LRSAM1: variants seen among roughly 807,000 people sequenced by gnomAD.
LRSAM1 encodes leucine rich repeat and sterile alpha motif containing 1.
A neutral mutation model predicts 118.1 loss-of-function variants in LRSAM1; 96 were observed. The observed-to-expected ratio is 0.81, with a 90% confidence interval of 0.69 to 0.96. The LOEUF (loss-of-function observed/expected upper bound fraction) is 0.96, where lower values mean the gene tolerates loss of function less well. Ranked by LOEUF, LRSAM1 falls within the 40% of genes least tolerant of loss-of-function variation. The pLI is 0.00. For synonymous variants in LRSAM1, 322 were observed against 364.2 expected, an observed-to-expected ratio of 0.88 and a Z score of 1.32; for missense variants, 804 against 915.5, an observed-to-expected ratio of 0.88 and a Z score of 1.57.
chr9:127,475,257 G>A (rs138174053), intron 11 of LRSAM1, among the ~76,000 whole-genome samples: 384 of 152,178 alleles, frequency 2.5e-3, no homozygotes, highest in African/African-American at 8.5e-3. Context: ...TTGGGAGGCC[G>A]AGGCTGGTGG....
intron 18 of LRSAM1, among the ~76,000 whole-genome samples, chr9:127,489,103 GC>G (rs1835834427): frequency 6.6e-6 from 1 of 152,182 alleles, no homozygotes; most frequent in East Asian, 1.9e-4. Context: ...GTTAAGTGGG[GC>G]TCGGGAGCTG....
In LRSAM1 at chr9:127,473,771, C is replaced by T; in HGVS notation, c.620-30C>T. The T allele has an allele frequency of 1.9e-6, 3 of 1,614,042 alleles. No individual in the cohort carries two copies. In the South Asian group the frequency reaches 3.3e-5, roughly 18 times the overall value. On this transcript the variant is annotated intron_variant, in intron 10 of 25. Transcript: ENST00000300417. ...TGGGTACCTCAGCTGTCTCCTCCCT[C>T]CTGGTCAGCTTGTGTCCCGTCTCTT...
chr9:127,500,206 C>G (rs1347360189), intron 24 of LRSAM1, among the ~76,000 whole-genome samples: 1 of 151,568 alleles, frequency 6.6e-6, no homozygotes, highest in East Asian at 2.0e-4. Flanking sequence ...ACTAAAGATA[C>G]AAAAATTAGC....
intron 11 of LRSAM1, among the ~76,000 whole-genome samples, chr9:127,474,503 G>GT (rs1435826418): frequency 1.3e-5 from 2 of 152,142 alleles, no homozygotes; most frequent in Non-Finnish European, 1.5e-5. Context: ...CCTGTTGTGT[G>GT]TTCTCAGAGT....
chr9:127,495,812 T>TATC lies in LRSAM1; in HGVS notation c.1699-151_1699-149dup, dbSNP rs1836113057. 46 of 1,161,480 alleles carry TATC rather than the reference T, an allele frequency of 4.0e-5. No homozygotes were observed. The South Asian group carries it at 6.1e-4, about 15-fold the overall frequency. The allele number at this position is 1,161,480 out of a possible 1,614,324, so 71.9% of individuals were successfully genotyped here. A position where few individuals can be genotyped will look rare whatever the true frequency, so the allele number is the denominator to read the frequency against. On this transcript the variant is annotated intron_variant, in intron 22 of 25. Coordinates refer to ENST00000300417, the MANE Select transcript of LRSAM1 (RefSeq NM_001005373.4). ...GAACCCCTGGGCCTATCTATCTATC[T>TATC]ATCTCTGTGTGCCTACCTATGAGTT...
At position 127,458,983 on chromosome 9, in the gene LRSAM1, C is replaced by T. The variant is rs764243243; in HGVS notation, c.253-20C>T. ...AGGGACTTTCTCACTTGGAGACTCACAGGGGTCTTTCTTCTGCAGGTTCTA... is the reference window on the plus strand; with the variant it reads ...AGGGACTTTCTCACTTGGAGACTCATAGGGGTCTTTCTTCTGCAGGTTCTA... On this transcript the variant is annotated intron_variant, in intron 6 of 25. Transcript: ENST00000300417. 5.6e-5 allele frequency: 91 copies of T among 1,613,090 alleles called. 1 individual carries two copies. In the South Asian group the frequency reaches 9.7e-4, roughly 17 times the overall value.
chr9:127,481,285 G>A, intron 15 of LRSAM1, 58 bp downstream of exon 15: 1 of 1,565,804 alleles, frequency 6.4e-7, no homozygotes, highest in South Asian at 1.1e-5. Context: ...ACGGAGTCCT[G>A]CACTGTCGCC....
chr9:127,483,941 C>T (rs909241334), intron 16 of LRSAM1, among the ~76,000 whole-genome samples: 1 of 152,110 alleles, frequency 6.6e-6, no homozygotes, highest in African/African-American at 2.4e-5. Flanking sequence ...GTATTACAGG[C>T]GTGAGCCACC....
chr9:127,495,701 G>A (rs1054732703), intron 22 of LRSAM1, among the ~76,000 whole-genome samples: 3 of 152,156 alleles, frequency 2.0e-5, no homozygotes, highest in African/African-American at 4.8e-5. Flanking sequence ...CAGCACCTGC[G>A]GGGACAGAGA....
At chr9:127,488,723 A>G (rs551018294) in intron 18 of LRSAM1, among the ~76,000 whole-genome samples, 1 of 151,220 alleles carries the variant, frequency 6.6e-6, no homozygotes, top group South Asian at 2.1e-4. Flanking sequence ...CCTCCTGAGT[A>G]GCGGAGACCA....
In LRSAM1 at chr9:127,482,964, A is replaced by G; in HGVS notation, c.1103A>G (p.Gln368Arg). The G allele has an allele frequency of 6.4e-7, 1 of 1,562,754 alleles. No homozygotes were observed. The highest frequency in any genetic ancestry group is 8.7e-7 in the Non-Finnish European group (1 of 1,153,264). ...TTTTTTTCTAGAATAAGAATGGAAC[A>G]GTTGATGTCCATAACCCAGGAGGAG... ...SLENERIRME[Q>R]LMSITQEETE... The change falls in exon 16 of 26, where the codon CAG becomes CGG. Residue 368 changes from glutamine (Q) to arginine (R), a missense_variant. Coordinates refer to ENST00000300417, the MANE Select transcript of LRSAM1 (RefSeq NM_001005373.4).
chr9:127,461,004 T>C (rs914581420), intron 7 of LRSAM1, among the ~76,000 whole-genome samples, 169 bp from the exon 8 acceptor site: 2 of 151,948 alleles, frequency 1.3e-5, no homozygotes, highest in Non-Finnish European at 2.9e-5. Context: ...TACAGGTGTG[T>C]GCCACCATGC....
chr9:127,485,640 G>C, intron 16 of LRSAM1, 96 bp from the exon 17 acceptor site: 1 of 1,121,038 alleles, frequency 8.9e-7, no homozygotes, highest in Non-Finnish European at 1.4e-6. Flanking sequence ...CTCAAGGCCT[G>C]TTCCTCAGTT....
At chr9:127,452,598 G>A (rs917310382) in intron 2 of LRSAM1, among the ~76,000 whole-genome samples, 3 of 152,184 alleles carry the variant, frequency 2.0e-5, no homozygotes, top group African/African-American at 4.8e-5. Context: ...TTTATTGAGC[G>A]CTCATGTGCC....
chr9:127,457,463 C>G, intron 6 of LRSAM1, 70 bp downstream of exon 6: 1 of 1,464,476 alleles, frequency 6.8e-7, no homozygotes, highest in Non-Finnish European at 9.5e-7. Context: ...GCGCCTGCTC[C>G]TTTTGGGCTG....
intron 11 of LRSAM1, among the ~76,000 whole-genome samples, chr9:127,478,068 AAAG>A (rs1184482305): frequency 9.2e-5 from 14 of 151,982 alleles, no homozygotes; most frequent in Admixed American, 5.9e-4. Flanking sequence ...AAAAAAAAAA[AAAG>A]AAGAACCTAA....
intron 16 of LRSAM1, among the ~76,000 whole-genome samples, chr9:127,484,802 C>CTTTTTTCTTTTTT (rs1184060505): frequency 1.6e-5 from 1 of 61,204 alleles, no homozygotes. Flanking sequence ...TTTGATTTTT[C>CTTTTTTCTTTTTT]TTTTTTTCTT....
chr9:127,492,229 G>A (rs897829223), intron 20 of LRSAM1, among the ~76,000 whole-genome samples: 10 of 152,258 alleles, frequency 6.6e-5, no homozygotes, highest in Non-Finnish European at 1.5e-4. Context: ...AGAAGGCTGA[G>A]CTAGCAAGGG....
At chr9:127,495,076 C>T (rs1040161680) in intron 21 of LRSAM1, among the ~76,000 whole-genome samples, 9 of 152,134 alleles carry the variant, frequency 5.9e-5, no homozygotes, top group Non-Finnish European at 1.0e-4. Context: ...CTCAGCCTCT[C>T]GAGTAGCTGG....
Sources: gnomAD v4.1 joint callset for allele counts (sites outside exome capture counted in the v4.1 genomes callset) on GRCh38, gnomAD v4.1.1 for gene constraint, MANE v1.5 for transcripts, NCBI Gene and HGNC (gene_info 2026-07-23, HGNC 2026-07-21) for gene names.